The following SLC9A9 variants were observed in gnomAD, a reference collection of about 807,000 sequenced individuals.
SLC9A9 encodes sodium/hydrogen exchanger 9.
A neutral mutation model predicts 77.8 loss-of-function variants in SLC9A9; 62 were observed. The observed-to-expected ratio is 0.80, with a 90% CI of 0.65 to 0.98. The LOEUF (loss-of-function observed/expected upper bound fraction) is 0.98, where lower values mean the gene tolerates loss of function less well. Among genes scored for constraint, SLC9A9 ranks in the 50% least tolerant of loss-of-function variants. The pLI is 0.00. For synonymous variants in SLC9A9, 320 were observed against 283.5 expected (o/e 1.13, Z -1.29); for missense variants, 775 against 774.9 (o/e 1.00, Z 0.00).
intron 14 of SLC9A9, among the ~76,000 whole-genome samples, chr3:143,297,771 ATTTTCT>A: frequency 6.6e-6 from 1 of 152,182 alleles, no homozygotes; most frequent in African/African-American, 2.4e-5. Flanking sequence ...AATGAAATTA[ATTTTCT>A]TTTTGTCTAT....
chr3:143,349,681 T>A (rs1229018679), intron 14 of SLC9A9, among the ~76,000 whole-genome samples: 1 of 152,242 alleles, frequency 6.6e-6, no homozygotes, highest in Non-Finnish European at 1.5e-5. Context: ...TCATGCTCTG[T>A]GCTGTTCCAG....
chr3:143,498,259 T>C (rs938445988), intron 9 of SLC9A9, among the ~76,000 whole-genome samples: 5 of 152,226 alleles, frequency 3.3e-5, no homozygotes, highest in African/African-American at 7.2e-5. Context: ...TTAATGTGGA[T>C]CCATAATACA....
intron 5 of SLC9A9, among the ~76,000 whole-genome samples, chr3:143,674,063 C>T (rs1325479375): frequency 6.6e-6 from 1 of 152,100 alleles, no homozygotes; most frequent in Admixed American, 6.5e-5. Flanking sequence ...GAATTCACTG[C>T]TAATAAAAAT....
At chr3:143,821,927 G>T (rs1473140144) in intron 2 of SLC9A9, among the ~76,000 whole-genome samples, 1 of 152,196 alleles carries the variant, frequency 6.6e-6, no homozygotes, top group Non-Finnish European at 1.5e-5. Flanking sequence ...CCGGCACTGT[G>T]CTGTGCCACT....
chr3:143,390,841 C>A (rs1363523805), intron 12 of SLC9A9, among the ~76,000 whole-genome samples: 1 of 152,204 alleles, frequency 6.6e-6, no homozygotes, highest in Non-Finnish European at 1.5e-5. Context: ...ACCCACAGAG[C>A]CTCACTCATT....
At chr3:143,603,361 T>C (rs960268203) in intron 6 of SLC9A9, among the ~76,000 whole-genome samples, 7 of 152,206 alleles carry the variant, frequency 4.6e-5, no homozygotes, top group Non-Finnish European at 1.0e-4. Context: ...TACATTCCTC[T>C]CTCACATTGC....
chr3:143,700,791 A>T (rs1200448242), intron 4 of SLC9A9, among the ~76,000 whole-genome samples: 1 of 152,210 alleles, frequency 6.6e-6, no homozygotes, highest in Non-Finnish European at 1.5e-5. Context: ...CCACCTGCTG[A>T]TGGTGGAGCC....
At chr3:143,425,605 T>C (rs2034389824) in intron 12 of SLC9A9, among the ~76,000 whole-genome samples, 1 of 152,198 alleles carries the variant, frequency 6.6e-6, no homozygotes, top group South Asian at 2.1e-4. Flanking sequence ...TATAAGGGGC[T>C]GTTTGAGTTT....
At chr3:143,312,920 T>A (rs59614631) in intron 14 of SLC9A9, 2 of 152,236 alleles carry the variant, frequency 1.3e-5, no homozygotes, top group Non-Finnish European at 1.5e-5. Flanking sequence ...CTTCTTTAGA[T>A]AGACACTTTC....
intron 13 of SLC9A9, among the ~76,000 whole-genome samples, chr3:143,365,095 C>T (rs1186849074): frequency 6.6e-6 from 1 of 152,136 alleles, no homozygotes; most frequent in South Asian, 2.1e-4. Context: ...AATATGCACT[C>T]ATAAAAAGGA....
intron 4 of SLC9A9, among the ~76,000 whole-genome samples, chr3:143,703,587 T>G (rs1576670138): frequency 6.6e-6 from 1 of 151,998 alleles, no homozygotes; most frequent in East Asian, 1.9e-4. Context: ...AGGAAGTTTA[T>G]AGCTAAAAGT....
chr3:143,528,692 A>G (rs1306776380), intron 9 of SLC9A9, among the ~76,000 whole-genome samples: 2 of 152,278 alleles, frequency 1.3e-5, no homozygotes, highest in East Asian at 3.9e-4. Context: ...AATAGCAGCA[A>G]TTTCATATGG....
At chr3:143,337,397 T>C (rs2031960116) in intron 14 of SLC9A9, among the ~76,000 whole-genome samples, 1 of 152,216 alleles carries the variant, frequency 6.6e-6, no homozygotes, top group Non-Finnish European at 1.5e-5. Flanking sequence ...AAATCAGTGA[T>C]GAAACTGCCT....
At chr3:143,747,628 C>T (rs1171306866) in intron 4 of SLC9A9, among the ~76,000 whole-genome samples, 2 of 152,106 alleles carry the variant, frequency 1.3e-5, no homozygotes, top group African/African-American at 4.8e-5. Context: ...TAGAGTAATG[C>T]AGTCATAACA....
At chr3:143,551,682 C>T (rs927777232) in intron 9 of SLC9A9, among the ~76,000 whole-genome samples, 8 of 152,314 alleles carry the variant, frequency 5.3e-5, no homozygotes, top group East Asian at 1.9e-4. Flanking sequence ...ACACTATAGA[C>T]GTATTTCTAT....
chr3:143,474,358 T>A (rs2108574949), intron 11 of SLC9A9, among the ~76,000 whole-genome samples: 1 of 152,224 alleles, frequency 6.6e-6, no homozygotes, highest in East Asian at 1.9e-4. Context: ...TGCAAGATAG[T>A]GATAGGATCT....
chr3:143,449,971 A>ATATT (rs369881110), intron 12 of SLC9A9, among the ~76,000 whole-genome samples: 1 of 87,140 alleles, frequency 1.1e-5, no homozygotes, highest in Non-Finnish European at 1.9e-5. Context: ...AATATATATA[A>ATATT]TATATATTAT....
intron 13 of SLC9A9, among the ~76,000 whole-genome samples, chr3:143,366,261 AT>A (rs1352684008): frequency 7.2e-5 from 11 of 152,052 alleles, no homozygotes; most frequent in Admixed American, 6.6e-4. Context: ...CCAGCCATTA[AT>A]TTTTTCAGTC....
At chr3:143,613,717 C>T (rs562378272) in intron 6 of SLC9A9, among the ~76,000 whole-genome samples, 1 of 134,450 alleles carries the variant, frequency 7.4e-6, no homozygotes, top group East Asian at 2.1e-4. Context: ...AGACATGCCT[C>T]TCTTTTTTTT....
Sources: allele counts gnomAD v4.1 joint callset (sites outside exome capture counted in the v4.1 genomes callset), GRCh38; gene constraint gnomAD v4.1.1; transcripts MANE v1.5; gene names NCBI Gene and HGNC (gene_info 2026-07-23, HGNC 2026-07-21).